Variants in GLIS3 observed in about 807,000 individuals in gnomAD.
GLIS3 encodes the protein GLIS family zinc finger 3, also known as zinc finger protein GLIS3.
In GLIS3, 53 loss-of-function variants were observed where a neutral mutation model predicts 78.6. The observed-to-expected ratio is 0.67, with a 90% CI of 0.54 to 0.85. The LOEUF (loss-of-function observed/expected upper bound fraction) is 0.85, where lower values mean the gene tolerates loss of function less well. Ranked by LOEUF, GLIS3 falls within the 40% of genes least tolerant of loss-of-function variation. The probability of loss-of-function intolerance (pLI) is 0.00; values close to 1 mark genes in which losing one functional copy is unlikely to be tolerated. For missense variants in GLIS3, 1,703 were observed against 1,231.1 expected (o/e 1.38, Z -5.74); for synonymous variants, 684 against 509.9 (o/e 1.34, Z -4.60).
intron 2 of GLIS3, among the ~76,000 whole-genome samples, chr9:4,283,743 C>G (rs1164727506): frequency 6.6e-6 from 1 of 152,238 alleles, no homozygotes; most frequent in Non-Finnish European, 1.5e-5. Context: ...TCACCATCCT[C>G]AACCAGTTAT....
chr9:3,948,794 T>A (rs771587912), intron 4 of GLIS3, among the ~76,000 whole-genome samples: 1 of 152,248 alleles, frequency 6.6e-6, no homozygotes, highest in African/African-American at 2.4e-5. Flanking sequence ...AAATGAGTTG[T>A]TTCCATGATA....
chr9:4,315,050 C>G lies in GLIS3; in HGVS notation n.265-4522G>C, dbSNP rs1004047775. Among the ~76,000 whole-genome samples the G allele has an allele frequency of 2.0e-5, 3 of 152,180 alleles. No individual in the cohort carries two copies. In the South Asian group the frequency reaches 6.2e-4, roughly 32 times the overall value. ...TTTCCTCTCTTCCCTTGTGGTCCTT[C>G]CACTCTCTCCTGCTCTTCTGTGTAC... On this transcript the variant is annotated intron_variant and non_coding_transcript_variant, in intron 2 of 4. Coordinates refer to the GLIS3 transcript ENST00000471664.
At chr9:4,006,921 G>A (rs1563941056) in intron 4 of GLIS3, among the ~76,000 whole-genome samples, 1 of 152,224 alleles carries the variant, frequency 6.6e-6, no homozygotes, top group Non-Finnish European at 1.5e-5. Context: ...AGTCCTGGAT[G>A]CAAGCTGTCT....
chr9:4,344,904 C>G (rs973084715), intron 2 of GLIS3, among the ~76,000 whole-genome samples: 1 of 152,174 alleles, frequency 6.6e-6, no homozygotes, highest in African/African-American at 2.4e-5. Context: ...CAAAATATAT[C>G]CAGATTTCAC....
the GLIS3 span, among the ~76,000 whole-genome samples, chr9:4,397,023 TC>T: frequency 7.1e-5 from 10 of 140,408 alleles, no homozygotes; most frequent in South Asian, 2.3e-4. Flanking sequence ...TTTCTTTTTT[TC>T]TTTTTTTTTT....
At chr9:4,478,153 A>T in the GLIS3 span, among the ~76,000 whole-genome samples, 4 of 152,172 alleles carry the variant, frequency 2.6e-5, no homozygotes, top group African/African-American at 7.2e-5. Flanking sequence ...GACACTATTG[A>T]AACAAGTGGT....
chr9:4,089,578 C>T (rs1050801550), intron 4 of GLIS3, among the ~76,000 whole-genome samples: 6 of 152,050 alleles, frequency 3.9e-5, no homozygotes, highest in Admixed American at 2.6e-4. Flanking sequence ...GTAATCCCAG[C>T]GCTTTGGGAG....
At chr9:3,936,977 T>C in intron 5 of GLIS3, 51 bp downstream of exon 5, 1 of 1,610,218 alleles carries the variant, frequency 6.2e-7, no homozygotes, top group Non-Finnish European at 8.5e-7. Context: ...AGCAGGCACT[T>C]CCTCACACCA....
chr9:4,202,550 A>G lies in GLIS3; in HGVS notation c.389-76609T>C, dbSNP rs563090630. 4.6e-5 allele frequency among the ~76,000 whole-genome samples: 7 copies of G among 152,314 alleles called. No individual in the cohort carries two copies. The South Asian group carries it at 1.2e-3, about 27-fold the overall frequency. ...AAAAGAACAAAGATGGAGGCATCAC[A>G]TTGCCCAACTTCAAACCTTACTATA... On this transcript the variant is annotated intron_variant, in intron 2 of 10. Transcript: ENST00000381971.
chr9:3,912,289 C>G (rs559829308), intron 6 of GLIS3, among the ~76,000 whole-genome samples: 1 of 152,172 alleles, frequency 6.6e-6, no homozygotes, highest in Non-Finnish European at 1.5e-5. Context: ...TCAGAACTAG[C>G]GTCCCGGGGC....
intron 7 of GLIS3, among the ~76,000 whole-genome samples, chr9:3,894,044 G>C (rs538161842): frequency 6.6e-6 from 1 of 152,318 alleles, no homozygotes; most frequent in Non-Finnish European, 1.5e-5. Context: ...TTTGATAGCA[G>C]TTCAAAGGAA....
intron 4 of GLIS3, among the ~76,000 whole-genome samples, chr9:4,100,040 A>G (rs1830246690): frequency 6.6e-6 from 1 of 152,250 alleles, no homozygotes; most frequent in South Asian, 2.1e-4. Flanking sequence ...TGGATTTTGT[A>G]AGAATAAAAT....
the GLIS3 span, among the ~76,000 whole-genome samples, chr9:4,449,774 CAACA>C: frequency 4.6e-5 from 7 of 152,076 alleles, no homozygotes; most frequent in Non-Finnish European, 8.8e-5. Context: ...AAGAAAAAAA[CAACA>C]AACAGAAAGG....
At chr9:4,141,680 T>C (rs1029286625) in intron 2 of GLIS3, among the ~76,000 whole-genome samples, 3 of 152,246 alleles carry the variant, frequency 2.0e-5, no homozygotes, top group African/African-American at 7.2e-5. Flanking sequence ...CATAAATTGG[T>C]AGAATAAGTC....
chr9:4,373,541 C>T, the GLIS3 span, among the ~76,000 whole-genome samples: 1 of 152,116 alleles, frequency 6.6e-6, no homozygotes, highest in Non-Finnish European at 1.5e-5. Context: ...CACCAATAAT[C>T]AATTTGAAAT....
intron 2 of GLIS3, among the ~76,000 whole-genome samples, chr9:4,157,713 A>G (rs1369301320): frequency 6.6e-6 from 1 of 152,154 alleles, no homozygotes; most frequent in African/African-American, 2.4e-5. Context: ...GCATTACAGG[A>G]GGATTTACGA....
At chr9:4,001,677 A>C (rs1821129746) in intron 4 of GLIS3, among the ~76,000 whole-genome samples, 1 of 152,218 alleles carries the variant, frequency 6.6e-6, no homozygotes, top group Admixed American at 6.5e-5. Context: ...TCAGGCATCT[A>C]AGTAAGCAGT....
chr9:4,042,543 G>C (rs480442), intron 4 of GLIS3, among the ~76,000 whole-genome samples: 17,254 of 152,084 alleles, frequency 0.11, 2,325 homozygotes, highest in African/African-American at 0.33. Flanking sequence ...TCTAGTGCCT[G>C]TTTTACCCCA....
the GLIS3 span, among the ~76,000 whole-genome samples, chr9:4,401,394 G>C: frequency 6.7e-6 from 1 of 148,704 alleles, no homozygotes; most frequent in African/African-American, 2.5e-5. Context: ...CGATTAGCTG[G>C]GGTTACAGGC....
Sources: gnomAD v4.1 joint callset for allele counts (sites outside exome capture counted in the v4.1 genomes callset) on GRCh38, gnomAD v4.1.1 for gene constraint, MANE v1.5 for transcripts, NCBI Gene and HGNC (gene_info 2026-07-23, HGNC 2026-07-21) for gene names.